Variants in KAT2A observed in about 807,000 individuals in gnomAD.
The protein encoded by KAT2A is lysine acetyltransferase 2A.
KAT2A carries 42 observed loss-of-function variants against 95.2 expected under a neutral mutation model. The observed-to-expected ratio is 0.44, with a 90% CI of 0.34 to 0.57. KAT2A has a LOEUF of 0.57. Among genes scored for constraint, KAT2A ranks in the 20% least tolerant of loss-of-function variants. The pLI is 0.01. For missense variants in KAT2A, 784 were observed against 1,126.3 expected (o/e 0.70, Z 4.35); for synonymous variants, 449 against 448.2 (o/e 1.00, Z -0.02).
chr17:42,113,797 G>C lies in KAT2A; in HGVS notation c.2366C>G (p.Thr789Ser). The change falls in exon 18 of 18, where the codon ACC (threonine) becomes AGC (serine). Residue 789 changes from threonine (T) to serine (S), a missense_variant. By Grantham distance (58) the Thr-to-Ser change is moderately conservative (BLOSUM62 1). Transcript: ENST00000225916. ...TERLRSRYYVTRKLFVADLQR... is the reference protein window; with the variant it reads ...TERLRSRYYVSRKLFVADLQR... The stretch of plus-strand genomic sequence containing the variant: ...CAGGTCGGCCACAAAGAGCTTCCGG[G>C]TCACGTAGTAGCGGCTTCGCAGCCG... 1 of 1,606,242 alleles carries C rather than the reference G, an allele frequency of 6.2e-7. No individual in the cohort carries two copies. Among genetic ancestry groups the C allele is most frequent in the Non-Finnish European group, 8.5e-7 (1 of 1,177,454 alleles).
Position 42,121,247 on chromosome 17 carries a change from G to T in KAT2A, c.58C>A (p.Gln20Lys). Residue 20 changes from glutamine to lysine, a missense_variant, in exon 1 of 18, where the codon CAG becomes AAG. Gln to Lys is a moderately conservative substitution (Grantham distance 53). This residue lies in a region of KAT2A where 142 missense variants were observed against 123.2 expected (regional missense o/e 1.15). Coordinates refer to ENST00000225916, the MANE Select transcript of KAT2A (RefSeq NM_021078.3). Reference protein sequence around the residue: ...PAPAAQPRPLQSPAPAPTPTP... With the variant: ...PAPAAQPRPLKSPAPAPTPTP... ...GGAGTTGGGGCAGGGGCTGGGGACT[G>T]AAGGGGCCGGGGCTGCGCAGCCGGG... 7.3e-7 allele frequency: 1 copy of T among 1,362,516 alleles called. No homozygotes were observed. The highest frequency in any genetic ancestry group is 9.6e-7 in the Non-Finnish European group (1 of 1,045,302). The allele number at this position is 1,362,516 out of a possible 1,614,324, so 84.4% of individuals were successfully genotyped here. A position where few individuals can be genotyped will look rare whatever the true frequency, so the allele number is the denominator to read the frequency against.
chr17:42,114,919 C>T lies in KAT2A; in HGVS notation c.1992G>A (p.Leu664=), dbSNP rs1555665645. The T allele has an allele frequency of 6.2e-7, 1 of 1,614,112 alleles. No individual in the cohort carries two copies. Among genetic ancestry groups the T allele is most frequent in the Non-Finnish European group, 8.5e-7 (1 of 1,179,988 alleles). ...CTTTCTGCTTCTTGATGATGTGGGA[C>T]AGCTCCGTGTAGGGGATGCGGGGAT... ...ELNPRIPYTE[L]SHIIKKQKEI... Residue 664 remains leucine (L), a synonymous_variant, in exon 13 of 18, where the codon CTG becomes CTA. Transcript: ENST00000225916. The surrounding 1 kb of genome is among the most constrained non-coding windows in gnomAD (Gnocchi z 6.0).
In KAT2A at chr17:42,114,104, TG is replaced by T; in HGVS notation, c.2236-21del. ...GTGAGACTGGAGAGAAGAGCCGGGC[TG>T]GGGACAGCCCTGCTGCGCCCACGCC... On this transcript the variant is annotated intron_variant, in intron 16 of 17. Coordinates refer to ENST00000225916, the MANE Select transcript of KAT2A (RefSeq NM_021078.3). This position sits in a 1 kb window ranked among gnomAD's most constrained non-coding sequence, Gnocchi z 6.0. The T allele has an allele frequency of 6.4e-7, 1 of 1,562,434 alleles. No homozygotes were observed. The highest frequency in any genetic ancestry group is 1.4e-5 in the African/African-American group (1 of 72,024).
chr17:42,115,772 T>C lies in KAT2A; in HGVS notation c.1826A>G (p.Tyr609Cys). The C allele has an allele frequency of 6.2e-7, 1 of 1,613,802 alleles. No individual in the cohort carries two copies. Among genetic ancestry groups the C allele is most frequent in the Non-Finnish European group, 8.5e-7 (1 of 1,179,834 alleles). The change falls in exon 12 of 18, where the codon TAC (tyrosine) becomes TGC (cysteine). Residue 609 changes from tyrosine to cysteine, a missense_variant. This residue lies in a region of KAT2A where 174 missense variants were observed against 324.9 expected (regional missense o/e 0.54). Transcript: ENST00000225916. The stretch of plus-strand genomic sequence containing the variant: ...GTACTCGTCGGCGTAGGTGAGGAAG[T>C]AGAGAATGTTGTGCTTGATGTGATA... ...KEYHIKHNIL[Y>C]FLTYADEYAI...
Position 42,117,519 on chromosome 17 carries a change from A to G in KAT2A, c.1506T>C (p.His502=), listed in dbSNP as rs1555666233. 1.2e-6 allele frequency: 2 copies of G among 1,613,592 alleles called. No homozygotes were observed. The highest frequency in any genetic ancestry group is 1.7e-5 in the Admixed American group (1 of 60,024). ...LEERRGIIEF[H]VIGNSLTPKA... is the part of the protein sequence containing the mutation. ...TGGGCGTCAGTGAGTTGCCGATGAC[A>G]TGGAACTCGATGATGCCGCGGCGCT... The change falls in exon 10 of 18, where the codon CAT becomes CAC. Residue 502 remains histidine, a synonymous_variant. Coordinates refer to ENST00000225916, the MANE Select transcript of KAT2A (RefSeq NM_021078.3). This position sits in a 1 kb window ranked among gnomAD's most constrained non-coding sequence, Gnocchi z 8.9.
Position 42,114,148 on chromosome 17 carries a change from C to T in KAT2A, c.2236-64G>A. 1 of 1,574,698 alleles carries T rather than the reference C, an allele frequency of 6.4e-7. No homozygotes were observed. Among genetic ancestry groups the T allele is most frequent in the Non-Finnish European group, 8.6e-7 (1 of 1,162,520 alleles). ...CCCACGCCAGCCCGAGACCACTACC[C>T]ACCCCACACTGCATCAAGAGGCCAC... On this transcript the variant is annotated intron_variant, in intron 16 of 17. Coordinates refer to ENST00000225916, the MANE Select transcript of KAT2A (RefSeq NM_021078.3). The surrounding 1 kb of genome is among the most constrained non-coding windows in gnomAD (Gnocchi z 6.0).
At chr17:42,120,483 C>A in intron 2 of KAT2A, 113 bp from the exon 3 acceptor site, 3 of 1,290,624 alleles carry the variant, frequency 2.3e-6, no homozygotes, top group Non-Finnish European at 3.3e-6. Flanking sequence ...CCAGTGTGAC[C>A]AACAGTGAGA....
rs782246327 is a variant in KAT2A at position 42,118,034 on chromosome 17, A to AGG, written c.1181-18_1181-17insCC. On this transcript the variant is annotated splice_polypyrimidine_tract_variant and intron_variant, in intron 7 of 17. Coordinates refer to ENST00000225916, the MANE Select transcript of KAT2A (RefSeq NM_021078.3). ...TGACTGAAGCTGAGGAGAGAGAGAG[A>AGG]CGTCAGGGATGGGGGGCTGAAGCTG... is the stretch of plus-strand genomic sequence containing the variant. 1 of 1,393,594 alleles carries AGG rather than the reference A, an allele frequency of 7.2e-7. No homozygotes were observed. The highest frequency in any genetic ancestry group is 2.0e-5 in the African/African-American group (1 of 48,856). The allele number at this position is 1,393,594 out of a possible 1,614,324, so 86.3% of individuals were successfully genotyped here.
rs73986522 is a variant in KAT2A, at chr17:42,117,262, A to T, written c.1638-101T>A. On this transcript the variant is annotated intron_variant, in intron 10 of 17. Coordinates refer to ENST00000225916, the MANE Select transcript of KAT2A (RefSeq NM_021078.3). The surrounding 1 kb of genome is among the most constrained non-coding windows in gnomAD (Gnocchi z 8.9). The stretch of plus-strand genomic sequence containing the variant: ...AGTCAGGGTTGGGCAGTGAGAAGTA[A>T]GAATGCTCAAAGGATGAACCTCAGA... 0.054 allele frequency: 84,635 copies of T among 1,562,788 alleles called. 2,503 individuals are homozygous for T. Among genetic ancestry groups the T allele is most frequent in the Non-Finnish European group, 0.059 (68,052 of 1,144,200 alleles).
At chr17:42,118,465 A>T in intron 6 of KAT2A, 62 bp from the exon 7 acceptor site, 3 of 1,191,130 alleles carry the variant, frequency 2.5e-6, no homozygotes, top group Non-Finnish European at 3.8e-6. Flanking sequence ...TGGGCCAGGC[A>T]GCAGAGGGAC....
chr17:42,114,014 A>T lies in KAT2A; in HGVS notation c.2306T>A (p.Ile769Asn). The T allele has an allele frequency of 2.6e-6, 4 of 1,516,148 alleles. No homozygotes were observed. Among genetic ancestry groups the T allele is most frequent in the Non-Finnish European group, 3.5e-6 (4 of 1,136,890 alleles). The allele number at this position is 1,516,148 out of a possible 1,614,324, so 93.9% of individuals were successfully genotyped here. A position where few individuals can be genotyped will look rare whatever the true frequency, so the allele number is the denominator to read the frequency against. The change falls in exon 17 of 18, where the codon ATC becomes AAC. Residue 769 changes from isoleucine (I) to asparagine (N), a missense_variant. Physicochemically the swap from Ile to Asn is moderately radical, Grantham distance 149. Around this residue, in one of 6 missense-constraint regions of KAT2A, gnomAD observed 195 missense variants for 247.1 expected, o/e 0.79. Coordinates refer to ENST00000225916, the MANE Select transcript of KAT2A (RefSeq NM_021078.3). The surrounding 1 kb of genome is among the most constrained non-coding windows in gnomAD (Gnocchi z 6.0). ...AAGGTCCTCACCAATGGGGAAGCGGATGACCTCGTAGTAGTCAGGGGCCTC... is the reference window on the plus strand; with the variant it reads ...AAGGTCCTCACCAATGGGGAAGCGGTTGACCTCGTAGTAGTCAGGGGCCTC... The part of the protein sequence containing the change: ...KSEAPDYYEV[I>N]RFPIDLKTMT...
At chr17:42,120,512 A>C in intron 2 of KAT2A, 142 bp from the exon 3 acceptor site, 1 of 1,229,882 alleles carries the variant, frequency 8.1e-7, no homozygotes, top group Non-Finnish European at 1.2e-6. Flanking sequence ...TCCGATATCA[A>C]CCGTTGGGTT....
Position 42,117,582 on chromosome 17 carries a change from C to A in KAT2A, c.1443G>T (p.Ser481=), listed in dbSNP as rs1486374950. ...AMLGPETSLL[S]ANAARDETAR... The stretch of plus-strand genomic sequence containing the variant: ...CTGTCTCATCCCGGGCCGCATTGGC[C>A]GAAAGCAGGCTCGTCTGGGCACAGA... The change falls in exon 10 of 18, where the codon TCG becomes TCT. Residue 481 remains serine (S), a synonymous_variant. Coordinates refer to ENST00000225916, the MANE Select transcript of KAT2A (RefSeq NM_021078.3). This position sits in a 1 kb window ranked among gnomAD's most constrained non-coding sequence, Gnocchi z 8.9. 3 of 1,612,560 alleles carry A rather than the reference C, an allele frequency of 1.9e-6. No individual in the cohort carries two copies. The highest frequency in any genetic ancestry group is 4.5e-5 in the East Asian group (2 of 44,840).
chr17:42,121,210 G>A lies in KAT2A; in HGVS notation c.95C>T (p.Pro32Leu), dbSNP rs1430594803. 3 of 1,343,654 alleles carry A rather than the reference G, an allele frequency of 2.2e-6. No homozygotes were observed. The highest frequency in any genetic ancestry group is 1.5e-5 in the African/African-American group (1 of 66,454). 83.2% of individuals were successfully genotyped at this position (1,343,654 alleles called of 1,614,324 possible). ...CGGAATCGGGGCTGAAGCCGGGCTGGGTGCAGGAGTCGGAGTTGGGGCAGG... is the reference window on the plus strand; with the variant it reads ...CGGAATCGGGGCTGAAGCCGGGCTGAGTGCAGGAGTCGGAGTTGGGGCAGG... The part of the protein sequence containing the change: ...PAPAPTPTPA[P>L]SPASAPIPTP... Residue 32 changes from proline (P) to leucine (L), a missense_variant, in exon 1 of 18, where the codon CCC becomes CTC. Coordinates refer to ENST00000225916, the MANE Select transcript of KAT2A (RefSeq NM_021078.3).
In KAT2A at chr17:42,117,018, CG is replaced by C. The variant is rs1568010968; in HGVS notation, c.1764+16del. 3 of 1,613,014 alleles carry C rather than the reference CG, an allele frequency of 1.9e-6. No individual in the cohort carries two copies. Among genetic ancestry groups the C allele is most frequent in the South Asian group, 1.1e-5 (1 of 91,040 alleles). On this transcript the variant is annotated intron_variant, in intron 11 of 17. Transcript: ENST00000225916. This position sits in a 1 kb window ranked among gnomAD's most constrained non-coding sequence, Gnocchi z 8.9. ...GTGGGCCGTGGACTGGGGCTGGGGC[CG>C]GGGAGCCGCGCTCACCTTGACCTGC...
At chr17:42,113,897 C>A in intron 17 of KAT2A, 55 bp from the exon 18 acceptor site, 1 of 1,504,572 alleles carries the variant, frequency 6.6e-7, no homozygotes. Flanking sequence ...CACGGCAGGG[C>A]TGTCCACCAG....
rs533517696 is a variant in KAT2A, at chr17:42,117,821, G to C, written c.1292-7C>G. 3 of 1,613,472 alleles carry C rather than the reference G, an allele frequency of 1.9e-6. No individual in the cohort carries two copies. In the South Asian group the frequency reaches 3.3e-5, roughly 18 times the overall value. ...GGGAGCGTCCTCTTCTCGCCTATTG[G>C]GGAGGCAGGCAAGGTTGCTCAGGAT... On this transcript the variant is annotated splice_region_variant and splice_polypyrimidine_tract_variant and intron_variant, in intron 8 of 17. Transcript: ENST00000225916. The surrounding 1 kb of genome is among the most constrained non-coding windows in gnomAD (Gnocchi z 8.9).
rs1257026454 is a variant in KAT2A at position 42,114,684 on chromosome 17, T to C, written c.2020-80A>G. 2 of 1,336,916 alleles carry C rather than the reference T, an allele frequency of 1.5e-6. No individual in the cohort carries two copies. The highest frequency in any genetic ancestry group is 1.4e-5 in the African/African-American group (1 of 69,378). The allele number at this position is 1,336,916 out of a possible 1,614,324, so 82.8% of individuals were successfully genotyped here. On this transcript the variant is annotated intron_variant, in intron 13 of 17. Transcript: ENST00000225916. This position sits in a 1 kb window ranked among gnomAD's most constrained non-coding sequence, Gnocchi z 6.0. ...CAGGGCCACAGTCGGAGCCACTGGC[T>C]GCACCCACCCAGCTGCAACGCCACC...
Position 42,118,034 on chromosome 17 carries a change from ACGTC to A in KAT2A, c.1181-21_1181-18del, listed in dbSNP as rs2054284635. Reference sequence around the variant, plus strand: ...TGACTGAAGCTGAGGAGAGAGAGAGACGTCAGGGATGGGGGGCTGAAGCTGAGGA... The same window carrying A: ...TGACTGAAGCTGAGGAGAGAGAGAGAAGGGATGGGGGGCTGAAGCTGAGGA... On this transcript the variant is annotated intron_variant, in intron 7 of 17. Transcript: ENST00000225916. 5 of 1,393,846 alleles carry A rather than the reference ACGTC, an allele frequency of 3.6e-6. No individual in the cohort carries two copies. In the African/African-American group the frequency reaches 8.2e-5, roughly 23 times the overall value. The allele number at this position is 1,393,846 out of a possible 1,614,324, so 86.3% of individuals were successfully genotyped here. A position where few individuals can be genotyped will look rare whatever the true frequency, so the allele number is the denominator to read the frequency against.
Sources: gnomAD v4.1 joint callset for allele counts on GRCh38, gnomAD v4.1.1 for gene constraint, gnomAD v4.1.1 regional missense constraint, Gnocchi (gnomAD v3.1) non-coding constraint, MANE v1.5 for transcripts, NCBI Gene and HGNC (gene_info 2026-07-23, HGNC 2026-07-21) for gene names.